TBC1D22A: variants seen among roughly 807,000 people sequenced by gnomAD.
TBC1D22A encodes putative GTPase activator.
A neutral mutation model predicts 60.2 loss-of-function variants in TBC1D22A; 38 were observed. The ratio of observed to expected loss-of-function variants is 0.63; its 90% confidence interval spans 0.49 to 0.83. The LOEUF (loss-of-function observed/expected upper bound fraction) is 0.83. TBC1D22A is among the 40% of genes least tolerant of loss of function. TBC1D22A has a pLI of 0.00. For missense variants in TBC1D22A, 628 were observed against 701.0 expected (o/e 0.90, Z 1.18); for synonymous variants, 302 against 281.7 (o/e 1.07, Z -0.72).
intron 11 of TBC1D22A, among the ~76,000 whole-genome samples, chr22:47,082,403 G>A (rs889889318): frequency 8.3e-6 from 1 of 121,054 alleles, no homozygotes; most frequent in Non-Finnish European, 1.7e-5. Context: ...ATTGACATAA[G>A]GATAGATAAT....
chr22:47,038,934 T>C (rs1294939535), intron 11 of TBC1D22A, among the ~76,000 whole-genome samples: 1 of 152,216 alleles, frequency 6.6e-6, no homozygotes, highest in African/African-American at 2.4e-5. Context: ...CTCTGTAACA[T>C]GACAGGAAAC....
chr22:47,087,365 TA>T (rs1331465710), intron 11 of TBC1D22A, among the ~76,000 whole-genome samples: 1 of 152,222 alleles, frequency 6.6e-6, no homozygotes, highest in Non-Finnish European at 1.5e-5. Context: ...TACATAATTA[TA>T]AAGCCAAACT....
At chr22:47,050,193 C>T (rs536532590) in intron 11 of TBC1D22A, among the ~76,000 whole-genome samples, 32 of 152,172 alleles carry the variant, frequency 2.1e-4, no homozygotes, top group Admixed American at 1.2e-3. Context: ...TTAGTAGAGA[C>T]GGGGTTTCAC....
chr22:47,005,966 A>C (rs1416568384), intron 10 of TBC1D22A, among the ~76,000 whole-genome samples: 2 of 151,748 alleles, frequency 1.3e-5, no homozygotes, highest in Non-Finnish European at 2.9e-5. Flanking sequence ...ACACATGCCT[A>C]TACACACACC....
chr22:46,774,592 A>T (rs558921454), intron 1 of TBC1D22A, among the ~76,000 whole-genome samples: 1 of 152,314 alleles, frequency 6.6e-6, no homozygotes, highest in South Asian at 2.1e-4. Context: ...AGGGCCAGGC[A>T]TTGCTGGGCG....
chr22:47,123,548 A>G (rs1014703132), intron 12 of TBC1D22A, among the ~76,000 whole-genome samples: 1 of 152,190 alleles, frequency 6.6e-6, no homozygotes, highest in Admixed American at 6.5e-5. Context: ...CAACCTGCCC[A>G]TTGGCTCACA....
At chr22:46,856,249 C>T (rs1240278059) in intron 4 of TBC1D22A, among the ~76,000 whole-genome samples, 1 of 152,226 alleles carries the variant, frequency 6.6e-6, no homozygotes, top group African/African-American at 2.4e-5. Context: ...TTAATATTTA[C>T]GTAGCGTAGC....
At chr22:46,900,926 G>A (rs895503813) in intron 7 of TBC1D22A, among the ~76,000 whole-genome samples, 1 of 152,178 alleles carries the variant, frequency 6.6e-6, no homozygotes, top group Non-Finnish European at 1.5e-5. Context: ...GTCTTTTAAC[G>A]TTGCACCATT....
At chr22:47,112,310 A>G (rs571309117) in intron 12 of TBC1D22A, among the ~76,000 whole-genome samples, 1 of 152,216 alleles carries the variant, frequency 6.6e-6, no homozygotes, top group Admixed American at 6.5e-5. Context: ...TTCACCCAGC[A>G]GAGGGCTCTG....
In TBC1D22A at chr22:47,173,856, G is replaced by A. The variant is rs1027150787; in HGVS notation, c.*230G>A. On this transcript the variant is annotated 3_prime_UTR_variant, in exon 13 of 13. Transcript: ENST00000337137. Reference sequence around the variant, plus strand: ...AAAGAGAGCCAGGGGAGGGCCCCGGGTTCGGCGGCCAGAGGCAGGTCAGGG... The same window carrying A: ...AAAGAGAGCCAGGGGAGGGCCCCGGATTCGGCGGCCAGAGGCAGGTCAGGG... 2.1e-5 allele frequency: 13 copies of A among 605,946 alleles called. No homozygotes were observed. The African/African-American group carries it at 2.3e-4, about 11-fold the overall frequency. 37.5% of individuals were successfully genotyped at this position (605,946 alleles called of 1,614,324 possible). A position where few individuals can be genotyped will look rare whatever the true frequency, so the allele number is the denominator to read the frequency against.
intron 12 of TBC1D22A, among the ~76,000 whole-genome samples, chr22:47,151,471 T>C (rs1409849171): frequency 1.3e-5 from 2 of 152,364 alleles, no homozygotes; most frequent in South Asian, 2.1e-4. Flanking sequence ...ATTTTGCTAG[T>C]GAATCTATGA....
chr22:47,100,744 T>G (rs1033610), intron 11 of TBC1D22A, among the ~76,000 whole-genome samples: 57,239 of 152,012 alleles, frequency 0.38, 10,923 homozygotes, highest in South Asian at 0.47. Context: ...TTAAACCTCT[T>G]TCTTTTGTAA....
intron 8 of TBC1D22A, among the ~76,000 whole-genome samples, chr22:46,942,251 A>G (rs1374579676): frequency 6.6e-6 from 1 of 151,804 alleles, no homozygotes; most frequent in East Asian, 1.9e-4. Flanking sequence ...TTTTGTTTTA[A>G]CTTTGTATTG....
intron 4 of TBC1D22A, among the ~76,000 whole-genome samples, chr22:46,802,205 CT>C (rs2084927785): frequency 1.3e-5 from 2 of 152,348 alleles, no homozygotes; most frequent in South Asian, 4.1e-4. Flanking sequence ...GTTGTAGGCA[CT>C]GGGGAGGAAT....
intron 8 of TBC1D22A, among the ~76,000 whole-genome samples, chr22:46,973,403 T>A (rs931930697): frequency 1.3e-5 from 2 of 152,222 alleles, no homozygotes; most frequent in African/African-American, 4.8e-5. Context: ...GGAGAGGGCC[T>A]GGCGCGTCAG....
At chr22:47,083,742 A>G (rs983962975) in intron 11 of TBC1D22A, among the ~76,000 whole-genome samples, 1 of 152,172 alleles carries the variant, frequency 6.6e-6, no homozygotes, top group African/African-American at 2.4e-5. Context: ...CATCCCACAC[A>G]CTGGTGGGAA....
rs536067700 is a variant in TBC1D22A, at chr22:46,976,667, C to T, written c.1125+2268C>T. ...TCCATTTCATTCTTTTGGAACTGCTCGAACCATCTTCCTTAAGCACCCTCT... is the reference window on the plus strand; with the variant it reads ...TCCATTTCATTCTTTTGGAACTGCTTGAACCATCTTCCTTAAGCACCCTCT... On this transcript the variant is annotated intron_variant, in intron 9 of 12. Transcript: ENST00000337137. Among the ~76,000 whole-genome samples, 19 of 152,330 alleles carry T rather than the reference C, an allele frequency of 1.2e-4. No homozygotes were observed. The East Asian group carries it at 2.7e-3, about 22-fold the overall frequency.
At chr22:47,100,285 T>C (rs2065363224) in intron 11 of TBC1D22A, among the ~76,000 whole-genome samples, 1 of 151,590 alleles carries the variant, frequency 6.6e-6, no homozygotes. Flanking sequence ...AGAGTGAGGC[T>C]GTGGAGTGCA....
In TBC1D22A at chr22:47,162,621, CTGTGGACCCGG is replaced by C. The variant is rs1260325640; in HGVS notation, c.1426-10874_1426-10864del. On this transcript the variant is annotated intron_variant, in intron 12 of 12. Transcript: ENST00000337137. ...TCCAGGCAGAGTCAGAGGAGTGGGA[CTGTGGACCCGG>C]TGCAGGGAGAGTCGTGGGAATGGGA... Among the ~76,000 whole-genome samples, 14 of 52,486 alleles carry C rather than the reference CTGTGGACCCGG, an allele frequency of 2.7e-4. No homozygotes were observed. The South Asian group carries it at 3.1e-3, about 12-fold the overall frequency. The allele number at this position is 52,486 out of a possible 152,430, so 34.4% of individuals were successfully genotyped here. A position where few individuals can be genotyped will look rare whatever the true frequency, so the allele number is the denominator to read the frequency against.
Sources: allele counts gnomAD v4.1 joint callset (sites outside exome capture counted in the v4.1 genomes callset), GRCh38; gene constraint gnomAD v4.1.1; transcripts MANE v1.5; gene names NCBI Gene and HGNC (gene_info 2026-07-23, HGNC 2026-07-21).